Variants in SOX6 observed in about 807,000 individuals in gnomAD.
The protein encoded by SOX6 is transcription factor SOX-6.
SOX6 carries 11 observed loss-of-function variants against 97.8 expected under a neutral mutation model. That is an observed-to-expected ratio of 0.11 (90% confidence interval 0.07 to 0.19). SOX6 has a LOEUF of 0.19. Among genes scored for constraint, SOX6 ranks in the 10% least tolerant of loss-of-function variants. SOX6 has a pLI of 1.00. For missense variants in SOX6, 810 were observed against 1,039.5 expected (o/e 0.78, Z 3.04); for synonymous variants, 360 against 371.4 (o/e 0.97, Z 0.35).
chr11:16,468,309 C>T (rs1233478019), intron 1 of SOX6, among the ~76,000 whole-genome samples: 4 of 152,068 alleles, frequency 2.6e-5, no homozygotes, highest in African/African-American at 9.7e-5. Flanking sequence ...GGAGAAAACC[C>T]TAAACTGAAT....
At position 16,055,848 on chromosome 11, in the gene SOX6, C is replaced by T. The variant is rs1010255072; in HGVS notation, c.1155G>A (p.Met385Ile). 8 of 1,613,674 alleles carry T rather than the reference C, an allele frequency of 5.0e-6. No individual in the cohort carries two copies. The African/African-American group carries it at 8.0e-5, about 16-fold the overall frequency. ...TGTTTGGTGGCTGTGGAGTTGATGGCATCTTTGCTCCAGGTGACACCTGCA... is the reference window on the plus strand; with the variant it reads ...TGTTTGGTGGCTGTGGAGTTGATGGTATCTTTGCTCCAGGTGACACCTGCA... ...ASMQVSPGAKMPSTPQPPNTA... is the reference protein window; with the variant it reads ...ASMQVSPGAKIPSTPQPPNTA... Residue 385 changes from methionine to isoleucine, a missense_variant, in exon 10 of 16, where the codon ATG becomes ATA. Met to Ile is a conservative substitution (Grantham distance 10). Transcript: ENST00000683767.
At chr11:15,998,926 C>T (rs184979446) in intron 13 of SOX6, among the ~76,000 whole-genome samples, 5 of 152,054 alleles carry the variant, frequency 3.3e-5, no homozygotes, top group Admixed American at 3.3e-4. Context: ...TTAAACTGAA[C>T]TTTATAAAAA....
chr11:16,597,731 A>C (rs1848227820), intron 4 of SOX6, among the ~76,000 whole-genome samples: 1 of 152,010 alleles, frequency 6.6e-6, no homozygotes, highest in Non-Finnish European at 1.5e-5. Context: ...TTTCAAAATA[A>C]AGAGAACTTC....
chr11:16,489,848 A>G (rs1335358324), intron 4 of SOX6, among the ~76,000 whole-genome samples: 1 of 152,104 alleles, frequency 6.6e-6, no homozygotes, highest in African/African-American at 2.4e-5. Flanking sequence ...GAGAAAGTGA[A>G]GGCTAGGAGG....
chr11:16,012,520 T>C (rs1041470809), intron 13 of SOX6, among the ~76,000 whole-genome samples: 7 of 152,014 alleles, frequency 4.6e-5, no homozygotes, highest in Non-Finnish European at 1.0e-4. Flanking sequence ...CCTTCTACTA[T>C]GATACTCATC....
chr11:16,092,887 G>A (rs747231539), intron 9 of SOX6, among the ~76,000 whole-genome samples: 8 of 148,770 alleles, frequency 5.4e-5, no homozygotes, highest in Non-Finnish European at 1.0e-4. Flanking sequence ...TAGTTCCCAC[G>A]ACAATATTTC....
intron 1 of SOX6, among the ~76,000 whole-genome samples, chr11:16,393,110 A>G (rs1858234813): frequency 6.6e-6 from 1 of 151,940 alleles, no homozygotes; most frequent in Admixed American, 6.6e-5. Context: ...ACTTTCAACT[A>G]CTAACTTGAG....
At chr11:16,094,319 G>T (rs908818728) in intron 9 of SOX6, among the ~76,000 whole-genome samples, 8 of 151,614 alleles carry the variant, frequency 5.3e-5, no homozygotes, top group Non-Finnish European at 7.4e-5. Context: ...GGTTGGGAGT[G>T]GGGGGTGGGA....
intron 1 of SOX6, among the ~76,000 whole-genome samples, chr11:16,399,595 A>G (rs1858489861): frequency 6.6e-6 from 1 of 151,486 alleles, no homozygotes; most frequent in Admixed American, 6.6e-5. Context: ...GACCAATATT[A>G]GTTGGGGGAA....
At chr11:16,657,649 G>A (rs368574644) in intron 3 of SOX6, among the ~76,000 whole-genome samples, 65 of 152,232 alleles carry the variant, frequency 4.3e-4, no homozygotes, top group African/African-American at 1.4e-3. Flanking sequence ...GAGGTGGCTT[G>A]TTTTTTACTT....
In SOX6 at chr11:16,343,036, A is replaced by G. The variant is rs2134344148; in HGVS notation, c.-4-1784T>C. 2.0e-5 allele frequency among the ~76,000 whole-genome samples: 3 copies of G among 151,974 alleles called. No individual in the cohort carries two copies. The Middle Eastern group carries it at 0.01, about 517-fold the overall frequency. ...AATAAATCAGATATATTCTTGATCA[A>G]TTTATATCAATAATAACAAATGGAC... On this transcript the variant is annotated intron_variant, in intron 1 of 15. Transcript: ENST00000683767.
chr11:16,485,919 AGGG>A (rs1378502130), intron 4 of SOX6, among the ~76,000 whole-genome samples: 1 of 44,902 alleles, frequency 2.2e-5, no homozygotes, highest in African/African-American at 1.0e-4. Context: ...AGAAAAGGGA[AGGG>A]GAGGGGAGGG....
chr11:16,190,766 G>A (rs192701507), intron 4 of SOX6, among the ~76,000 whole-genome samples: 2 of 152,130 alleles, frequency 1.3e-5, no homozygotes, highest in East Asian at 3.9e-4. Flanking sequence ...TATTCAAAAT[G>A]TGCAGATTAA....
At chr11:16,470,666 T>C (rs1023738767) in intron 1 of SOX6, among the ~76,000 whole-genome samples, 1 of 152,074 alleles carries the variant, frequency 6.6e-6, no homozygotes, top group African/African-American at 2.4e-5. Context: ...ACTGAGATAG[T>C]GATCAAAAAC....
chr11:16,264,881 T>G (rs1854026447), intron 3 of SOX6: 1 of 141,602 alleles, frequency 7.1e-6, no homozygotes, highest in African/African-American at 2.6e-5. Context: ...CTTAAAAAAC[T>G]TTGAGAAATA....
intron 12 of SOX6, among the ~76,000 whole-genome samples, chr11:16,034,148 G>A (rs1855456665): frequency 6.6e-6 from 1 of 152,050 alleles, no homozygotes; most frequent in African/African-American, 2.4e-5. Context: ...CAAATATATG[G>A]TTTCTTTTCT....
chr11:16,072,427 T>C (rs1338394536), intron 9 of SOX6, among the ~76,000 whole-genome samples: 1 of 152,068 alleles, frequency 6.6e-6, no homozygotes, highest in Non-Finnish European at 1.5e-5. Context: ...GAATGAAACC[T>C]CCAAGAAATA....
Position 16,097,622 on chromosome 11 carries a change from G to A in SOX6, c.965C>T (p.Pro322Leu), listed in dbSNP as rs1414090701. 6.2e-7 allele frequency: 1 copy of A among 1,611,058 alleles called. No homozygotes were observed. Among genetic ancestry groups the A allele is most frequent in the Non-Finnish European group, 8.5e-7 (1 of 1,177,962 alleles). ...MAAAAASGLS[P>L]LQLQKGHVSH... ...TCTGGCACTTACCTGGAGCTGTAAA[G>A]GGCTGAGTCCAGAAGCAGCAGCAGC... The change falls in exon 8 of 16, where the codon CCT becomes CTT. Residue 322 changes from proline (P) to leucine (L), a missense_variant. Pro to Leu is a moderately conservative substitution (Grantham distance 98, BLOSUM62 -3). Around this residue, in one of 9 missense-constraint regions of SOX6, gnomAD observed 244 missense variants for 261.0 expected, o/e 0.93. Coordinates refer to ENST00000683767, the MANE Select transcript of SOX6 (RefSeq NM_001367873.1).
At chr11:16,264,489 A>G (rs1854010345) in intron 3 of SOX6, 1 of 151,976 alleles carries the variant, frequency 6.6e-6, no homozygotes, top group African/African-American at 2.4e-5. Context: ...TCCTATATGC[A>G]TATGTAGGTT....
Sources: gnomAD v4.1 joint callset for allele counts (sites outside exome capture counted in the v4.1 genomes callset) on GRCh38, gnomAD v4.1.1 for gene constraint, gnomAD v4.1.1 regional missense constraint, MANE v1.5 for transcripts, NCBI Gene and HGNC (gene_info 2026-07-23, HGNC 2026-07-21) for gene names.